The following FBXL20 variants were observed in gnomAD, a reference collection of about 807,000 sequenced individuals.
FBXL20 encodes F-box and leucine rich repeat protein 20, also known as F-box/LRR-repeat protein 20.
Under a neutral mutation model 64.0 loss-of-function variants are expected in FBXL20, and 11 were observed. That is an observed-to-expected ratio of 0.17 (90% confidence interval 0.11 to 0.28). The LOEUF (loss-of-function observed/expected upper bound fraction) is 0.28, where lower values mean the gene tolerates loss of function less well. Ranked by LOEUF, FBXL20 falls within the 10% of genes least tolerant of loss-of-function variation. The pLI is 1.00. For synonymous variants in FBXL20, 184 were observed against 189.0 expected (o/e 0.97, Z 0.22); for missense variants, 303 against 526.2 (o/e 0.58, Z 4.15).
intron 2 of FBXL20, among the ~76,000 whole-genome samples, chr17:39,340,727 AT>A (rs1340255741): frequency 6.6e-6 from 1 of 152,150 alleles, no homozygotes; most frequent in African/African-American, 2.4e-5. Context: ...TAAAAGCCTA[AT>A]AAAAAGTCAG....
chr17:39,285,418 ATTT>A, intron 7 of FBXL20, 57 bp downstream of exon 7: 3 of 1,159,536 alleles, frequency 2.6e-6, no homozygotes, highest in Non-Finnish European at 3.6e-6. Context: ...TATATCAATT[ATTT>A]TTTTAAAATA....
chr17:39,391,681 A>C (rs116762498), intron 1 of FBXL20, among the ~76,000 whole-genome samples: 1 of 152,338 alleles, frequency 6.6e-6, no homozygotes, highest in Admixed American at 6.5e-5. Context: ...TTTCAAAATA[A>C]TAACATCAAA....
At chr17:39,394,613 G>A (rs960724054) in intron 1 of FBXL20, among the ~76,000 whole-genome samples, 3 of 148,438 alleles carry the variant, frequency 2.0e-5, no homozygotes, top group Non-Finnish European at 4.5e-5. Context: ...CTCCCAGGCT[G>A]AAGTGCGCTG....
At chr17:39,268,956 A>G in intron 11 of FBXL20, 85 bp from the exon 12 acceptor site, 1 of 1,155,918 alleles carries the variant, frequency 8.7e-7, no homozygotes, top group Non-Finnish European at 1.3e-6. Context: ...ACTAAGAGGT[A>G]ATATTAAATA....
intron 10 of FBXL20, among the ~76,000 whole-genome samples, chr17:39,273,205 G>A (rs1365431574): frequency 2.0e-5 from 3 of 151,926 alleles, no homozygotes; most frequent in African/African-American, 4.8e-5. Flanking sequence ...TAGCAGAGAC[G>A]AGGTTTCACC....
chr17:39,342,533 G>C (rs750097647), intron 2 of FBXL20, among the ~76,000 whole-genome samples: 1 of 152,118 alleles, frequency 6.6e-6, no homozygotes, highest in Non-Finnish European at 1.5e-5. Context: ...GGCTAACACA[G>C]TGAAATCCCG....
intron 2 of FBXL20, among the ~76,000 whole-genome samples, chr17:39,334,954 A>T (rs1432105468): frequency 6.6e-6 from 1 of 152,174 alleles, no homozygotes; most frequent in African/African-American, 2.4e-5. Flanking sequence ...AGAATGTGTA[A>T]GCAAAAACTC....
chr17:39,309,151 G>A (rs1473532117), intron 2 of FBXL20, among the ~76,000 whole-genome samples: 1 of 152,094 alleles, frequency 6.6e-6, no homozygotes, highest in Non-Finnish European at 1.5e-5. Context: ...GATATAATAG[G>A]ACTAAAAGTT....
At position 39,365,411 on chromosome 17, in the gene FBXL20, T is replaced by C. The variant is rs553105525; in HGVS notation, c.43-22170A>G. Among the ~76,000 whole-genome samples, 29 of 152,322 alleles carry C rather than the reference T, an allele frequency of 1.9e-4. No individual in the cohort carries two copies. In the South Asian group the frequency reaches 5.6e-3, roughly 29 times the overall value. On this transcript the variant is annotated intron_variant, in intron 1 of 14. Transcript: ENST00000264658. ...CTTTTTAGAAGCTAACTACTGCCAG[T>C]GCATTGCCGTCTCATGACTAAACTT...
chr17:39,320,929 G>A lies in FBXL20; in HGVS notation c.105-17290C>T, dbSNP rs76714785. Reference sequence around the variant, plus strand: ...AACAAAAAGTGACTAACAGCCACACGTAACTCAGAAGACAATATATAGTTT... The same window carrying A: ...AACAAAAAGTGACTAACAGCCACACATAACTCAGAAGACAATATATAGTTT... On this transcript the variant is annotated intron_variant, in intron 2 of 14. Transcript: ENST00000264658. Among the ~76,000 whole-genome samples, 481 of 152,184 alleles carry A rather than the reference G, an allele frequency of 3.2e-3. 1 individual carries two copies. Among genetic ancestry groups the A allele is most frequent in the African/African-American group, 0.011 (444 of 41,524 alleles).
At chr17:39,337,732 A>T (rs2047539797) in intron 2 of FBXL20, among the ~76,000 whole-genome samples, 1 of 149,294 alleles carries the variant, frequency 6.7e-6, no homozygotes, top group South Asian at 2.1e-4. Flanking sequence ...CTGAGAAGGG[A>T]GGAGCGTCTC....
intron 12 of FBXL20, 31 bp downstream of exon 12, chr17:39,268,796 T>C (rs774013979): frequency 1.3e-6 from 2 of 1,587,848 alleles, no homozygotes; most frequent in East Asian, 4.5e-5. Context: ...TCTACTATAC[T>C]GTATTTCTGA....
Position 39,260,231 on chromosome 17 carries a change from C to G in FBXL20, c.*1229G>C, listed in dbSNP as rs191832747. 68 of 152,282 alleles carry G rather than the reference C, an allele frequency of 4.5e-4. No individual in the cohort carries two copies. Among genetic ancestry groups the G allele is most frequent in the African/African-American group, 1.5e-3 (63 of 41,556 alleles). The allele number at this position is 152,282 out of a possible 1,614,324, so 9.4% of individuals were successfully genotyped here. A position where few individuals can be genotyped will look rare whatever the true frequency, so the allele number is the denominator to read the frequency against. On this transcript the variant is annotated 3_prime_UTR_variant, in exon 15 of 15. Transcript: ENST00000264658. ...TTCCTGTTAAAACAACCTCATAGGT[C>G]AGAGATGCCACTGATCACTCCTAGA...
chr17:39,382,638 A>T (rs1342169920), intron 1 of FBXL20, among the ~76,000 whole-genome samples: 1 of 151,988 alleles, frequency 6.6e-6, no homozygotes, highest in African/African-American at 2.4e-5. Flanking sequence ...TTTTAGACCA[A>T]TCTGGGCAAG....
Position 39,257,828 on chromosome 17 carries a change from G to A in FBXL20, c.*3632C>T, listed in dbSNP as rs145254182. 2.0e-5 allele frequency: 3 copies of A among 152,888 alleles called. No individual in the cohort carries two copies. The highest frequency in any genetic ancestry group is 4.4e-5 in the Non-Finnish European group (3 of 68,062). 9.5% of individuals were successfully genotyped at this position (152,888 alleles called of 1,614,324 possible). A position where few individuals can be genotyped will look rare whatever the true frequency, so the allele number is the denominator to read the frequency against. ...GGGTGAGATGGAGGCTTTAAATAGA[G>A]GGAAAGGATGGGTGTGGGAAGGAAA... On this transcript the variant is annotated 3_prime_UTR_variant, in exon 15 of 15. Transcript: ENST00000264658.
intron 3 of FBXL20, 113 bp downstream of exon 3, chr17:39,303,472 T>C (rs1270455270): frequency 2.3e-6 from 2 of 870,130 alleles, no homozygotes; most frequent in African/African-American, 3.4e-5. Context: ...TAATCTCCTT[T>C]AAAACATGAA....
intron 2 of FBXL20, among the ~76,000 whole-genome samples, chr17:39,322,584 T>C (rs1035954136): frequency 3.5e-4 from 53 of 152,300 alleles, no homozygotes; most frequent in Admixed American, 5.9e-4. Context: ...TTCTCATGAG[T>C]AGAATACTCC....
chr17:39,272,167 A>AT, intron 10 of FBXL20, among the ~76,000 whole-genome samples: 1 of 151,994 alleles, frequency 6.6e-6, no homozygotes, highest in Admixed American at 6.6e-5. Context: ...CAGGCGGATC[A>AT]CGAGGTCAGG....
chr17:39,333,682 T>C (rs2047487952), intron 2 of FBXL20, among the ~76,000 whole-genome samples: 2 of 144,144 alleles, frequency 1.4e-5, no homozygotes, highest in African/African-American at 2.6e-5. Flanking sequence ...CCGGCCGTCA[T>C]CCCGTCTAGG....
Sources: allele counts gnomAD v4.1 joint callset (sites outside exome capture counted in the v4.1 genomes callset), GRCh38; gene constraint gnomAD v4.1.1; transcripts MANE v1.5; gene names NCBI Gene and HGNC (gene_info 2026-07-23, HGNC 2026-07-21).